Variants in ARHGEF4 observed in about 807,000 individuals in gnomAD.
ARHGEF4 encodes the protein APC-stimulated guanine nucleotide exchange factor 1.
In ARHGEF4, 119 loss-of-function variants were observed where a neutral mutation model predicts 162.0. The observed-to-expected ratio is 0.73, with a 90% confidence interval of 0.63 to 0.86. The LOEUF (loss-of-function observed/expected upper bound fraction) is 0.86, where lower values mean the gene tolerates loss of function less well. Among genes scored for constraint, ARHGEF4 ranks in the 40% least tolerant of loss-of-function variants. The pLI is 0.00. For missense variants in ARHGEF4, 2,488 were observed against 2,456.0 expected (o/e 1.01, Z -0.28); for synonymous variants, 1,014 against 979.9 (o/e 1.03, Z -0.65).
intron 5 of ARHGEF4, chr2:131,035,403 G>A (rs954377328): frequency 1.2e-4 from 95 of 806,308 alleles, no homozygotes; most frequent in South Asian, 1.9e-4. Context: ...TGGTCCGGGG[G>A]TGTCGCCGAG....
intron 4 of ARHGEF4, among the ~76,000 whole-genome samples, chr2:130,962,512 A>G (rs1003158523): frequency 1.3e-5 from 2 of 152,146 alleles, no homozygotes; most frequent in Non-Finnish European, 2.9e-5. Flanking sequence ...ATGATAGACA[A>G]GATACTAGAG....
intron 4 of ARHGEF4, among the ~76,000 whole-genome samples, chr2:131,027,651 C>T (rs1488246295): frequency 6.6e-6 from 1 of 152,178 alleles, no homozygotes; most frequent in Non-Finnish European, 1.5e-5. Context: ...CTGAATACAA[C>T]CTAAGGGGCT....
Position 130,916,964 on chromosome 2 carries a change from C to A in ARHGEF4, c.3018C>A (p.Pro1006=). The change falls in exon 2 of 14, where the codon CCC becomes CCA. Residue 1006 remains proline, a synonymous_variant. Transcript: ENST00000409359. ...ATGTTTTTAGCGATCACTGGGCACC[C>A]CCACTTGCCTCCACACCTTTGTCCT... The part of the protein sequence containing the change: ...EGYVFSDHWA[P]PLASTPLSSS... 1 of 1,550,858 alleles carries A rather than the reference C, an allele frequency of 6.4e-7. No individual in the cohort carries two copies.
chr2:130,855,108 C>T (rs977745299), intron 1 of ARHGEF4, among the ~76,000 whole-genome samples: 1 of 151,904 alleles, frequency 6.6e-6, no homozygotes, highest in Admixed American at 6.6e-5. Flanking sequence ...ATCTCCTGAC[C>T]TTGTGATCCG....
intron 1 of ARHGEF4, among the ~76,000 whole-genome samples, chr2:130,841,256 G>A (rs1680586749): frequency 1.3e-5 from 2 of 152,108 alleles, no homozygotes; most frequent in South Asian, 4.2e-4. Context: ...AGTAGAGATG[G>A]GATTTCGCTA....
intron 1 of ARHGEF4, among the ~76,000 whole-genome samples, chr2:130,870,606 C>A (rs1559010607): frequency 6.6e-6 from 1 of 152,176 alleles, no homozygotes; most frequent in East Asian, 1.9e-4. Flanking sequence ...AAACAACTGC[C>A]CCAGTTACCA....
intron 4 of ARHGEF4, among the ~76,000 whole-genome samples, chr2:131,012,414 G>A (rs1447347094): frequency 6.6e-6 from 1 of 152,196 alleles, no homozygotes; most frequent in African/African-American, 2.4e-5. Context: ...GTGCAGAAAT[G>A]TGCAAATACC....
rs938119797 is a variant in ARHGEF4, at chr2:131,047,250, G to C, written c.*1061G>C. 6.6e-6 allele frequency: 1 copy of C among 152,246 alleles called. No individual in the cohort carries two copies. Among genetic ancestry groups the C allele is most frequent in the African/African-American group, 2.4e-5 (1 of 41,452 alleles). 9.4% of individuals were successfully genotyped at this position (152,246 alleles called of 1,614,324 possible). On this transcript the variant is annotated 3_prime_UTR_variant, in exon 14 of 14. Transcript: ENST00000409359. Reference sequence around the variant, plus strand: ...AATTTCATAAATAAATTTATGAAAAGTAACCTGGCTGCTAGCCCGTTTTCT... The same window carrying C: ...AATTTCATAAATAAATTTATGAAAACTAACCTGGCTGCTAGCCCGTTTTCT...
intron 1 of ARHGEF4, among the ~76,000 whole-genome samples, chr2:130,865,878 C>T (rs1682236306): frequency 6.6e-6 from 1 of 152,104 alleles, no homozygotes; most frequent in African/African-American, 2.4e-5. Flanking sequence ...GGGGGGATCT[C>T]TGGTGCCTGA....
At chr2:130,910,203 A>T (rs2105041751) in intron 1 of ARHGEF4, among the ~76,000 whole-genome samples, 1 of 152,334 alleles carries the variant, frequency 6.6e-6, no homozygotes, top group East Asian at 1.9e-4. Flanking sequence ...TTAAGGTATA[A>T]TAATAAAAAA....
At chr2:130,980,784 T>C (rs1352092851) in intron 4 of ARHGEF4, among the ~76,000 whole-genome samples, 1 of 152,232 alleles carries the variant, frequency 6.6e-6, no homozygotes, top group Non-Finnish European at 1.5e-5. Flanking sequence ...CTCACCTTTT[T>C]TAAAATTACT....
At chr2:130,970,587 CAAA>C (rs57254908) in intron 4 of ARHGEF4, among the ~76,000 whole-genome samples, 91,150 of 117,142 alleles carry the variant, frequency 0.78, 35,398 homozygotes, top group East Asian at 0.95. Context: ...GAAACTCCAT[CAAA>C]AAAAAAAAAA....
chr2:131,014,707 C>T (rs560094112), intron 4 of ARHGEF4, among the ~76,000 whole-genome samples: 3 of 152,192 alleles, frequency 2.0e-5, no homozygotes, highest in African/African-American at 4.8e-5. Flanking sequence ...TCTTCTCTGG[C>T]ATTTTAAAAG....
intron 4 of ARHGEF4, among the ~76,000 whole-genome samples, chr2:131,002,373 C>T (rs376728979): frequency 6.6e-5 from 10 of 151,934 alleles, no homozygotes; most frequent in African/African-American, 1.5e-4. Context: ...GTCAGGAGAT[C>T]GAGACCATCC....
chr2:130,970,061 C>T (rs1473691469), intron 4 of ARHGEF4, among the ~76,000 whole-genome samples: 1 of 152,158 alleles, frequency 6.6e-6, no homozygotes, highest in African/African-American at 2.4e-5. Flanking sequence ...TCAGATTGTT[C>T]CTACTTTTAG....
intron 1 of ARHGEF4, among the ~76,000 whole-genome samples, chr2:130,852,192 G>A (rs1438870728): frequency 1.3e-5 from 2 of 152,214 alleles, no homozygotes; most frequent in Admixed American, 6.5e-5. Flanking sequence ...CCCTTCTGAC[G>A]AGCTCATGGG....
At chr2:130,888,779 C>T (rs193085253) in intron 1 of ARHGEF4, among the ~76,000 whole-genome samples, 1 of 152,034 alleles carries the variant, frequency 6.6e-6, no homozygotes, top group Admixed American at 6.5e-5. Flanking sequence ...GTAAACATTA[C>T]AATATTTTCC....
chr2:130,915,494 C>T lies in ARHGEF4; in HGVS notation c.1548C>T (p.Ser516=), dbSNP rs1237462486. 2.6e-6 allele frequency: 4 copies of T among 1,550,452 alleles called. No homozygotes were observed. The African/African-American group carries it at 5.5e-5, about 21-fold the overall frequency. The change falls in exon 2 of 14, where the codon AGC becomes AGT. Residue 516 remains serine (S), a synonymous_variant. Coordinates refer to ENST00000409359, the MANE Select transcript of ARHGEF4 (RefSeq NM_001367493.1). The part of the protein sequence containing the change: ...YTSKYVLSEE[S]KSPTRAKFPR... The stretch of plus-strand genomic sequence containing the variant: ...CAAAGTATGTGCTCAGCGAGGAAAG[C>T]AAGTCACCTACCAGGGCCAAGTTCC...
chr2:130,984,667 T>G (rs2105261997), intron 4 of ARHGEF4, among the ~76,000 whole-genome samples: 1 of 148,666 alleles, frequency 6.7e-6, no homozygotes, highest in Non-Finnish European at 1.5e-5. Flanking sequence ...CCAGCCTAGT[T>G]GACAGAGCAA....
Sources: gnomAD v4.1 joint callset for allele counts (sites outside exome capture counted in the v4.1 genomes callset) on GRCh38, gnomAD v4.1.1 for gene constraint, MANE v1.5 for transcripts, NCBI Gene and HGNC (gene_info 2026-07-23, HGNC 2026-07-21) for gene names.